Variants in FNDC7 observed in about 807,000 individuals in gnomAD.
FNDC7 encodes fibronectin type III domain containing 7, also known as fibronectin type III domain-containing protein 7.
A neutral mutation model predicts 74.2 loss-of-function variants in FNDC7; 66 were observed. The observed-to-expected ratio is 0.89, with a 90% CI of 0.73 to 1.09. The LOEUF (loss-of-function observed/expected upper bound fraction) is 1.09, where lower values mean the gene tolerates loss of function less well. FNDC7 is among the 50% of genes least tolerant of loss of function. The pLI, the probability that FNDC7 is intolerant of heterozygous loss-of-function variation, is 0.00. For synonymous variants in FNDC7, 307 were observed against 330.2 expected (o/e 0.93, Z 0.76); for missense variants, 829 against 893.4 (o/e 0.93, Z 0.92).
At chr1:108,724,581 C>T (rs1002495175) in intron 5 of FNDC7, among the ~76,000 whole-genome samples, 1 of 151,090 alleles carries the variant, frequency 6.6e-6, no homozygotes, top group Admixed American at 6.6e-5. Context: ...TGGCTAGACC[C>T]CGTCTCTACA....
chr1:108,728,644 C>T lies in FNDC7; in HGVS notation c.1382C>T (p.Pro461Leu). 6.2e-7 allele frequency: 1 copy of T among 1,614,168 alleles called. No homozygotes were observed. ...PQFITTAPCS[P>L]EIKNVSRDAF... ...TAAAATGTCTTAGCTCCTTGCAGTC[C>T]TGAAATAAAAAATGTTTCAAGGGAT... The change falls in exon 8 of 13, where the codon CCT (proline) becomes CTT (leucine). Residue 461 changes from proline (P) to leucine (L), a missense_variant. Coordinates refer to ENST00000370017, the MANE Select transcript of FNDC7 (RefSeq NM_001144937.3).
intron 2 of FNDC7, 102 bp from the exon 3 acceptor site, chr1:108,717,675 T>G (rs1661002454): frequency 7.9e-7 from 1 of 1,265,882 alleles, no homozygotes; most frequent in African/African-American, 1.5e-5. Flanking sequence ...AACTTCTGTC[T>G]GAAGGAAGGC....
At chr1:108,729,264 T>C (rs563942902) in intron 8 of FNDC7, among the ~76,000 whole-genome samples, 10 of 152,340 alleles carry the variant, frequency 6.6e-5, no homozygotes, top group African/African-American at 2.2e-4. Context: ...TAAAAAATGC[T>C]TTCTGGCCAG....
At chr1:108,728,585 A>G in intron 7 of FNDC7, 47 bp from the exon 8 acceptor site, 1 of 1,605,762 alleles carries the variant, frequency 6.2e-7, no homozygotes, top group Non-Finnish European at 8.5e-7. Context: ...GGCACATGTG[A>G]TATTTTTGAC....
chr1:108,717,112 G>C (rs1660992763), intron 2 of FNDC7, among the ~76,000 whole-genome samples: 1 of 152,210 alleles, frequency 6.6e-6, no homozygotes, highest in Non-Finnish European at 1.5e-5. Flanking sequence ...TATTGTGATA[G>C]AGAAAGGGAG....
chr1:108,717,848 G>C lies in FNDC7; in HGVS notation c.154G>C (p.Val52Leu). The change falls in exon 3 of 13, where the codon GTG becomes CTG. Residue 52 changes from valine (V) to leucine (L), a missense_variant. Coordinates refer to ENST00000370017, the MANE Select transcript of FNDC7 (RefSeq NM_001144937.3). ...CAGTATCACTGTAGAATGGGCTACA[G>C]TGCCGGGTGCCACCAGTTACCTCCT... ...SNSITVEWAT[V>L]PGATSYLLTA... 2 of 1,551,720 alleles carry C rather than the reference G, an allele frequency of 1.3e-6. 1 individual carries two copies. Among genetic ancestry groups the C allele is most frequent in the South Asian group, 2.4e-5 (2 of 84,060 alleles).
chr1:108,717,947 G>A lies in FNDC7; in HGVS notation c.253G>A (p.Ala85Thr), dbSNP rs1160662380. Residue 85 changes from alanine (A) to threonine (T), a missense_variant, in exon 3 of 13, where the codon GCT becomes ACT. Transcript: ENST00000370017. The part of the protein sequence containing the change: ...NSPGTVTGLK[A>T]ATWYEITIRS... ...CCCAGGCACTGTGACGGGACTAAAG[G>A]CTGCAACCTGGTATGAAATCACCAT... 6.4e-7 allele frequency: 1 copy of A among 1,551,726 alleles called. No homozygotes were observed. Among genetic ancestry groups the A allele is most frequent in the Non-Finnish European group, 8.7e-7 (1 of 1,147,008 alleles).
intron 11 of FNDC7, among the ~76,000 whole-genome samples, chr1:108,738,431 G>A (rs1369950745): frequency 1.3e-5 from 2 of 152,288 alleles, no homozygotes; most frequent in African/African-American, 4.8e-5. Context: ...GCTGCCTCAT[G>A]AGGAGTCCTT....
intron 2 of FNDC7, among the ~76,000 whole-genome samples, chr1:108,716,320 GGTGTGT>G (rs141850435): frequency 0.025 from 2,349 of 95,632 alleles, 63 homozygotes; most frequent in African/African-American, 0.068. Context: ...GCAGAAGAGA[GGTGTGT>G]GTGTGTGTGT....
Position 108,730,677 on chromosome 1 carries a change from C to A in FNDC7, c.1628C>A (p.Pro543Gln). The A allele has an allele frequency of 6.5e-7, 1 of 1,542,788 alleles. No homozygotes were observed. The highest frequency in any genetic ancestry group is 8.8e-7 in the Non-Finnish European group (1 of 1,141,472). Reference sequence around the variant, plus strand: ...TTTTTCTTTTATCCCATTTAAGTGCCATGCTGTCCAACCGGTCTGACAGTA... The same window carrying A: ...TTTTTCTTTTATCCCATTTAAGTGCAATGCTGTCCAACCGGTCTGACAGTA... ...PSYSVPLETV[P>Q]CCPTGLTVTQ... is the part of the protein sequence containing the mutation. Residue 543 changes from proline to glutamine, a missense_variant, in exon 9 of 13, where the codon CCA becomes CAA. Transcript: ENST00000370017.
Position 108,730,735 on chromosome 1 carries a change from C to T in FNDC7, c.1686C>T (p.Ser562=), listed in dbSNP as rs1454463548. 1 of 1,612,358 alleles carries T rather than the reference C, an allele frequency of 6.2e-7. No homozygotes were observed. Among genetic ancestry groups the T allele is most frequent in the Non-Finnish European group, 8.5e-7 (1 of 1,179,168 alleles). The part of the protein sequence containing the change: ...TQITQSVINV[S]WTIGRVAQTH... ...TCACCCAGTCAGTAATCAACGTGAGCTGGACTATTGGGAGAGTGGCTCAAA... is the reference window on the plus strand; with the variant it reads ...TCACCCAGTCAGTAATCAACGTGAGTTGGACTATTGGGAGAGTGGCTCAAA... Residue 562 remains serine, a synonymous_variant, in exon 9 of 13, where the codon AGC becomes AGT. Transcript: ENST00000370017.
intron 11 of FNDC7, among the ~76,000 whole-genome samples, chr1:108,740,565 C>T (rs765763155): frequency 8.5e-5 from 13 of 152,142 alleles, no homozygotes; most frequent in African/African-American, 1.2e-4. Context: ...TAGACTCATG[C>T]GATCCACCTG....
chr1:108,714,884 C>T (rs188783219), intron 2 of FNDC7, among the ~76,000 whole-genome samples: 2 of 152,170 alleles, frequency 1.3e-5, no homozygotes, highest in East Asian at 1.9e-4. Context: ...TGAGCCACCG[C>T]GCCCGGCCGG....
chr1:108,714,761 AC>A (rs954558426), intron 2 of FNDC7, among the ~76,000 whole-genome samples: 17 of 151,094 alleles, frequency 1.1e-4, no homozygotes, highest in Non-Finnish European at 2.2e-4. Flanking sequence ...ACCCGCCACT[AC>A]CCCCGGCTAA....
chr1:108,713,140 T>A (rs1196619129), intron 1 of FNDC7, 144 bp downstream of exon 1: 3 of 689,778 alleles, frequency 4.3e-6, no homozygotes, highest in East Asian at 5.5e-5. Flanking sequence ...TTGTATATGT[T>A]TGCGTGTTTG....
intron 8 of FNDC7, 101 bp downstream of exon 8, chr1:108,728,987 A>G: frequency 1.4e-6 from 2 of 1,406,264 alleles, no homozygotes; most frequent in South Asian, 2.7e-5. Flanking sequence ...AGTGCAACAG[A>G]AATACATTAA....
intron 3 of FNDC7, among the ~76,000 whole-genome samples, chr1:108,718,265 TA>T (rs1661021621): frequency 6.6e-6 from 1 of 152,224 alleles, no homozygotes; most frequent in Non-Finnish European, 1.5e-5. Context: ...TGGGCATCTT[TA>T]AAAGCATCCC....
rs1382205005 is a variant in FNDC7, at chr1:108,728,552, G to A, written c.1370-80G>A. 6 of 1,552,492 alleles carry A rather than the reference G, an allele frequency of 3.9e-6. No individual in the cohort carries two copies. In the African/African-American group the frequency reaches 5.4e-5, roughly 14 times the overall value. On this transcript the variant is annotated intron_variant, in intron 7 of 12. Coordinates refer to ENST00000370017, the MANE Select transcript of FNDC7 (RefSeq NM_001144937.3). ...GAAAACTGTGATGATCTCACTGGGG[G>A]CAAAATCAGTTTTAGACCAAATGGC...
chr1:108,734,595 A>C lies in FNDC7; in HGVS notation c.2140+1063A>C, dbSNP rs981805058. 2.0e-5 allele frequency: 3 copies of C among 152,326 alleles called. No homozygotes were observed. In the South Asian group the frequency reaches 6.2e-4, roughly 32 times the overall value. The allele number at this position is 152,326 out of a possible 1,614,324, so 9.4% of individuals were successfully genotyped here. A position where few individuals can be genotyped will look rare whatever the true frequency, so the allele number is the denominator to read the frequency against. On this transcript the variant is annotated intron_variant, in intron 10 of 12. Transcript: ENST00000370017. ...ATGATATGTAGGTGACAGGAGGTTC[A>C]GGATGGCCCTTGGTGATGGAAGGAG... is the stretch of plus-strand genomic sequence containing the variant.
Sources: gnomAD v4.1 joint callset for allele counts (sites outside exome capture counted in the v4.1 genomes callset) on GRCh38, gnomAD v4.1.1 for gene constraint, MANE v1.5 for transcripts, NCBI Gene and HGNC (gene_info 2026-07-23, HGNC 2026-07-21) for gene names.